The following TTLL6 variants were observed in gnomAD, a reference collection of about 807,000 sequenced individuals.
The protein encoded by TTLL6 is tubulin polyglutamylase TTLL6.
Under a neutral mutation model 96.4 loss-of-function variants are expected in TTLL6, and 75 were observed. That is an observed-to-expected ratio of 0.78 (90% CI 0.65 to 0.94). TTLL6 has a LOEUF of 0.94. Ranked by LOEUF, TTLL6 falls within the 40% of genes least tolerant of loss-of-function variation. The pLI is 0.00. For missense variants in TTLL6, 1,030 were observed against 1,093.0 expected, an observed-to-expected ratio of 0.94 and a Z score of 0.81; for synonymous variants, 411 against 419.4, an observed-to-expected ratio of 0.98 and a Z score of 0.24.
At chr17:48,778,333 GAGAA>G (rs1421324110) in intron 13 of TTLL6, among the ~76,000 whole-genome samples, 1 of 148,418 alleles carries the variant, frequency 6.7e-6, no homozygotes, top group Admixed American at 6.6e-5. Flanking sequence ...GGGAGGGAGG[GAGAA>G]AGGAAGGAAG....
chr17:48,766,295 C>T (rs890368144), intron 15 of TTLL6, among the ~76,000 whole-genome samples: 1 of 152,136 alleles, frequency 6.6e-6, no homozygotes. Flanking sequence ...TCAGGGAGAC[C>T]CCCATCTGAT....
At chr17:48,782,011 C>T (rs750581607) in intron 13 of TTLL6, among the ~76,000 whole-genome samples, 7 of 152,108 alleles carry the variant, frequency 4.6e-5, no homozygotes, top group Non-Finnish European at 8.8e-5. Context: ...TTATAAATTA[C>T]GCAGTCTAAG....
rs769793822 is a variant in TTLL6 at position 48,790,070 on chromosome 17, A to C, written c.1261T>G (p.Leu421Val). 1 of 1,613,958 alleles carries C rather than the reference A, an allele frequency of 6.2e-7. No homozygotes were observed. The highest frequency in any genetic ancestry group is 1.1e-5 in the South Asian group (1 of 91,036). Reference protein sequence around the residue: ...HSPSFSTDSRLDKEVKDGLLY... With the variant: ...HSPSFSTDSRVDKEVKDGLLY... ...AGACCATCTTTCACCTCTTTATCCAACCGAGAGTCGGTGGAGAAGCTTGGA... is the reference window on the plus strand; with the variant it reads ...AGACCATCTTTCACCTCTTTATCCACCCGAGAGTCGGTGGAGAAGCTTGGA... The change falls in exon 10 of 16, where the codon TTG becomes GTG. Residue 421 changes from leucine to valine, a missense_variant. Transcript: ENST00000393382.
At chr17:48,778,252 G>A (rs1400120082) in intron 13 of TTLL6, among the ~76,000 whole-genome samples, 1 of 149,654 alleles carries the variant, frequency 6.7e-6, no homozygotes, top group Non-Finnish European at 1.5e-5. Context: ...ACTCCAGCCT[G>A]GCCTACAGAG....
chr17:48,816,102 A>C (rs2039663914), intron 1 of TTLL6, among the ~76,000 whole-genome samples: 1 of 152,208 alleles, frequency 6.6e-6, no homozygotes, highest in African/African-American at 2.4e-5. Context: ...TAATATTTCT[A>C]ATACCCTTAA....
intron 13 of TTLL6, among the ~76,000 whole-genome samples, chr17:48,770,360 T>C (rs2038714631): frequency 6.6e-6 from 1 of 151,692 alleles, no homozygotes; most frequent in Admixed American, 6.6e-5. Context: ...AAAGATTAGG[T>C]TAGAATAGTT....
intron 13 of TTLL6, among the ~76,000 whole-genome samples, chr17:48,776,231 C>T (rs1256727616): frequency 6.6e-6 from 1 of 152,114 alleles, no homozygotes; most frequent in Non-Finnish European, 1.5e-5. Flanking sequence ...CTTTGGGAGG[C>T]CAAGGTGGGC....
At chr17:48,794,575 T>C (rs541274670) in intron 8 of TTLL6, among the ~76,000 whole-genome samples, 5 of 152,278 alleles carry the variant, frequency 3.3e-5, no homozygotes, top group African/African-American at 1.2e-4. Context: ...GAGGCCCAGC[T>C]GATGCCCACA....
In TTLL6 at chr17:48,801,741, C is replaced by G. The variant is rs2039419050; in HGVS notation, c.362-98G>C. On this transcript the variant is annotated intron_variant, in intron 3 of 15. Coordinates refer to ENST00000393382, the MANE Select transcript of TTLL6 (RefSeq NM_001130918.3). ...GGTGCTCCCAGACCAAGTACTGAAG[C>G]AAAAAATCTCGGCTCCTCGAGACTG... 3.1e-6 allele frequency: 3 copies of G among 980,192 alleles called. 1 individual carries two copies. The highest frequency in any genetic ancestry group is 2.5e-5 in the Admixed American group (1 of 40,478). The allele number at this position is 980,192 out of a possible 1,614,324, so 60.7% of individuals were successfully genotyped here.
chr17:48,784,998 C>T lies in TTLL6; in HGVS notation c.1965G>A (p.Leu655=). 6.2e-7 allele frequency: 1 copy of T among 1,614,178 alleles called. No homozygotes were observed. Among genetic ancestry groups the T allele is most frequent in the Non-Finnish European group, 8.5e-7 (1 of 1,180,024 alleles). The change falls in exon 13 of 16, where the codon TTG becomes TTA. Residue 655 remains leucine (L), a synonymous_variant. Coordinates refer to ENST00000393382, the MANE Select transcript of TTLL6 (RefSeq NM_001130918.3). Reference sequence around the variant, plus strand: ...TGCTGAAGTTGGGTTTACTGGGCTCCAACTTCGAGCTGCTGAGATTGATAT... The same window carrying T: ...TGCTGAAGTTGGGTTTACTGGGCTCTAACTTCGAGCTGCTGAGATTGATAT... ...LRNINLSSSK[L]EPSKPNFSIK... is the part of the protein sequence containing the mutation.
At chr17:48,816,599 CCAGA>C (rs1280832884) in intron 1 of TTLL6, among the ~76,000 whole-genome samples, 1 of 152,126 alleles carries the variant, frequency 6.6e-6, no homozygotes, top group Non-Finnish European at 1.5e-5. Flanking sequence ...GAAGGTTTCT[CCAGA>C]CAAAGGAAGA....
At chr17:48,797,569 C>T (rs2143416889) in intron 6 of TTLL6, among the ~76,000 whole-genome samples, 1 of 152,184 alleles carries the variant, frequency 6.6e-6, no homozygotes, top group Middle Eastern at 3.4e-3. Flanking sequence ...GATGGATGAT[C>T]TGAGGTCAGG....
At chr17:48,763,100 A>T in intron 15 of TTLL6, 127 bp from the exon 16 acceptor site, 1 of 355,388 alleles carries the variant, frequency 2.8e-6, no homozygotes, top group Non-Finnish European at 5.4e-6. Flanking sequence ...TTATATCTGT[A>T]GTCACCAGAA....
Position 48,787,889 on chromosome 17 carries a change from T to C in TTLL6, c.1511A>G (p.Lys504Arg), listed in dbSNP as rs1220811090. 1.9e-6 allele frequency: 3 copies of C among 1,614,214 alleles called. No individual in the cohort carries two copies. The East Asian group carries it at 6.7e-5, about 36-fold the overall frequency. The change falls in exon 11 of 16, where the codon AAG becomes AGG. Residue 504 changes from lysine to arginine, a missense_variant. Transcript: ENST00000393382. ...RLIYPSLNSEKYEKFFQDNNS... is the reference protein window; with the variant it reads ...RLIYPSLNSERYEKFFQDNNS... ...GTTGTCCTGGAAAAACTTCTCATAC[T>C]TCTCCGAATTCAGACTGGGATAAAT...
Position 48,785,208 on chromosome 17 carries a change from G to C in TTLL6, c.1762-7C>G, listed in dbSNP as rs762995103. 4 of 1,614,048 alleles carry C rather than the reference G, an allele frequency of 2.5e-6. No homozygotes were observed. Among genetic ancestry groups the C allele is most frequent in the Admixed American group, 1.7e-5 (1 of 60,020 alleles). On this transcript the variant is annotated splice_polypyrimidine_tract_variant and splice_region_variant and intron_variant, in intron 12 of 15. Coordinates refer to ENST00000393382, the MANE Select transcript of TTLL6 (RefSeq NM_001130918.3). ...ATGTCAATGGCTGGATGTACTGAGG[G>C]AGGAAGAAACCACAACACACAGCCA...
At chr17:48,784,772 C>A (rs925972641) in intron 13 of TTLL6, 151 bp downstream of exon 13, 2 of 631,996 alleles carry the variant, frequency 3.2e-6, no homozygotes, top group South Asian at 3.9e-5. Context: ...AGCAGCTATG[C>A]CATTCCACAG....
chr17:48,797,000 AT>A (rs903601881), intron 7 of TTLL6, 60 bp downstream of exon 7: 69,361 of 888,440 alleles, frequency 0.078, 5 homozygotes, highest in South Asian at 0.098. Flanking sequence ...TTTAACTAGA[AT>A]TTTTTTTTTT....
chr17:48,778,050 G>T (rs901184865), intron 13 of TTLL6, among the ~76,000 whole-genome samples: 4 of 152,194 alleles, frequency 2.6e-5, no homozygotes, highest in Admixed American at 2.0e-4. Context: ...GCCCAGGCGG[G>T]CAGGTCACTT....
At chr17:48,767,331 T>C (rs957898800) in intron 15 of TTLL6, among the ~76,000 whole-genome samples, 3 of 152,146 alleles carry the variant, frequency 2.0e-5, no homozygotes, top group Admixed American at 2.0e-4. Flanking sequence ...CCTCATATGA[T>C]TCCCATCATC....
Sources: gnomAD v4.1 joint callset for allele counts (sites outside exome capture counted in the v4.1 genomes callset) on GRCh38, gnomAD v4.1.1 for gene constraint, MANE v1.5 for transcripts, NCBI Gene and HGNC (gene_info 2026-07-23, HGNC 2026-07-21) for gene names.